Variants in GMDS observed in about 807,000 individuals in gnomAD.
The protein encoded by GMDS is GDP-mannose 4,6 dehydratase.
Under a neutral mutation model 49.9 loss-of-function variants are expected in GMDS, and 20 were observed. That is an observed-to-expected ratio of 0.40 (90% CI 0.28 to 0.58). GMDS has a LOEUF of 0.58. Among genes scored for constraint, GMDS ranks in the 20% least tolerant of loss-of-function variants. GMDS has a pLI of 0.42. For missense variants in GMDS, 362 were observed against 481.4 expected (o/e 0.75, Z 2.32); for synonymous variants, 177 against 178.6 (o/e 0.99, Z 0.07).
At chr6:1,650,657 C>A (rs1763622507) in intron 9 of GMDS, among the ~76,000 whole-genome samples, 1 of 152,198 alleles carries the variant, frequency 6.6e-6, no homozygotes, top group Non-Finnish European at 1.5e-5. Context: ...CTCACTGCAA[C>A]CTCCGCCTCC....
intron 7 of GMDS, among the ~76,000 whole-genome samples, chr6:1,921,139 C>T (rs1761696180): frequency 6.6e-6 from 1 of 152,202 alleles, no homozygotes; most frequent in South Asian, 2.1e-4. Context: ...CTATACCTAA[C>T]CCATTTTATA....
chr6:2,069,399 A>C (rs1186132392), intron 4 of GMDS, among the ~76,000 whole-genome samples: 2 of 152,138 alleles, frequency 1.3e-5, no homozygotes, highest in Non-Finnish European at 2.9e-5. Context: ...ATGGCAACAA[A>C]AGCCAAAATT....
At chr6:1,905,320 G>A (rs1289105869) in intron 7 of GMDS, among the ~76,000 whole-genome samples, 3 of 151,962 alleles carry the variant, frequency 2.0e-5, no homozygotes, top group African/African-American at 7.3e-5. Flanking sequence ...TGTGGGTGCT[G>A]GCGTGTAGGT....
intron 7 of GMDS, among the ~76,000 whole-genome samples, chr6:1,875,122 T>G (rs1416546685): frequency 2.0e-5 from 3 of 152,150 alleles, no homozygotes; most frequent in Non-Finnish European, 4.4e-5. Flanking sequence ...CTTGGGTATA[T>G]AAAATTCAAA....
chr6:2,088,126 G>C lies in GMDS; in HGVS notation c.345+27645C>G, dbSNP rs535461618. On this transcript the variant is annotated intron_variant, in intron 4 of 10. Coordinates refer to ENST00000380815, the MANE Select transcript of GMDS (RefSeq NM_001500.4). ...AGAAAGTAAAAAAAAAAAATGCTGT[G>C]ATATAGAGTACAGATTTTACAAACA... Among the ~76,000 whole-genome samples, 20 of 152,102 alleles carry C rather than the reference G, an allele frequency of 1.3e-4. 2 individuals are homozygous for C. The South Asian group carries it at 4.2e-3, about 32-fold the overall frequency.
Position 2,024,161 on chromosome 6 carries a change from G to A in GMDS, c.346-63195C>T, listed in dbSNP as rs745479939. ...AGAGATAATAGGATATTTTCATATT[G>A]CCAAGAGAAAATTACTGCCAGTTTA... On this transcript the variant is annotated intron_variant, in intron 4 of 10. Coordinates refer to ENST00000380815, the MANE Select transcript of GMDS (RefSeq NM_001500.4). 4.6e-5 allele frequency among the ~76,000 whole-genome samples: 7 copies of A among 152,124 alleles called. No homozygotes were observed. In the South Asian group the frequency reaches 6.2e-4, roughly 13 times the overall value.
chr6:2,240,238 A>C (rs1327867605), intron 1 of GMDS, among the ~76,000 whole-genome samples: 1 of 152,226 alleles, frequency 6.6e-6, no homozygotes, highest in African/African-American at 2.4e-5. Flanking sequence ...TCCCCATGCA[A>C]AGCAAGGCTA....
At chr6:2,232,372 T>C (rs1436788471) in intron 1 of GMDS, among the ~76,000 whole-genome samples, 4 of 152,214 alleles carry the variant, frequency 2.6e-5, no homozygotes, top group Non-Finnish European at 5.9e-5. Context: ...CAATTCCTGA[T>C]GCCCCTTTTG....
At position 1,860,660 on chromosome 6, in the gene GMDS, C is replaced by A. The variant is rs527568521; in HGVS notation, c.771+69443G>T. ...CTGCCTAAATGGCTGATATTCTCCA[C>A]CAATATATGTCTGGTGTCCAAAAAA... On this transcript the variant is annotated intron_variant, in intron 7 of 10. Coordinates refer to ENST00000380815, the MANE Select transcript of GMDS (RefSeq NM_001500.4). Among the ~76,000 whole-genome samples, 17 of 152,230 alleles carry A rather than the reference C, an allele frequency of 1.1e-4. No individual in the cohort carries two copies. The South Asian group carries it at 3.5e-3, about 32-fold the overall frequency.
chr6:1,652,715 TATATAG>T (rs1235171658), intron 9 of GMDS, among the ~76,000 whole-genome samples: 2 of 16,676 alleles, frequency 1.2e-4, no homozygotes, highest in African/African-American at 2.2e-4. Flanking sequence ...TATATATATA[TATATAG>T]AGAGAGAGAG....
intron 7 of GMDS, among the ~76,000 whole-genome samples, chr6:1,868,704 T>A (rs904021184): frequency 6.6e-6 from 1 of 151,800 alleles, no homozygotes; most frequent in African/African-American, 2.4e-5. Context: ...CGTCCCAGTA[T>A]AATGTGCTGC....
intron 4 of GMDS, among the ~76,000 whole-genome samples, chr6:2,074,886 A>G (rs1772233398): frequency 1.3e-5 from 2 of 152,058 alleles, no homozygotes; most frequent in Non-Finnish European, 2.9e-5. Context: ...CCCCAGAACC[A>G]TTTATTGAAG....
chr6:1,663,285 T>C (rs2113255799), intron 9 of GMDS, among the ~76,000 whole-genome samples: 1 of 152,280 alleles, frequency 6.6e-6, no homozygotes, highest in Non-Finnish European at 1.5e-5. Flanking sequence ...GTGCAGGTCG[T>C]TGGCTCAGAA....
At chr6:2,036,952 T>C (rs6909371) in intron 4 of GMDS, among the ~76,000 whole-genome samples, 108,248 of 152,106 alleles carry the variant, frequency 0.71, 38,738 homozygotes, top group African/African-American at 0.75. Flanking sequence ...CTAATTTCTA[T>C]TCCTGTTGTA....
chr6:1,753,919 C>T (rs1328997424), intron 7 of GMDS, among the ~76,000 whole-genome samples: 1 of 152,254 alleles, frequency 6.6e-6, no homozygotes, highest in Non-Finnish European at 1.5e-5. Flanking sequence ...TAAATGCCCA[C>T]AGGAGAATGC....
chr6:2,200,334 C>A (rs926021147), intron 1 of GMDS, among the ~76,000 whole-genome samples: 4 of 150,930 alleles, frequency 2.7e-5, no homozygotes, highest in African/African-American at 9.8e-5. Context: ...ACACCACATG[C>A]ACATCCGAGA....
chr6:2,238,659 A>G (rs1344225529), intron 1 of GMDS, among the ~76,000 whole-genome samples: 1 of 152,180 alleles, frequency 6.6e-6, no homozygotes, highest in African/African-American at 2.4e-5. Flanking sequence ...TTATAATATA[A>G]TCATCATTTG....
intron 1 of GMDS, among the ~76,000 whole-genome samples, chr6:2,223,298 G>A (rs1212121802): frequency 6.6e-6 from 1 of 152,058 alleles, no homozygotes; most frequent in Non-Finnish European, 1.5e-5. Flanking sequence ...ACAAGCCAGG[G>A]GGCATGTGGT....
At chr6:2,104,872 A>G (rs567923956) in intron 4 of GMDS, among the ~76,000 whole-genome samples, 1 of 152,196 alleles carries the variant, frequency 6.6e-6, no homozygotes, top group Non-Finnish European at 1.5e-5. Flanking sequence ...TATCTTGCCA[A>G]ATGATAGAGT....
Sources: allele counts gnomAD v4.1 joint callset (sites outside exome capture counted in the v4.1 genomes callset), GRCh38; gene constraint gnomAD v4.1.1; transcripts MANE v1.5; gene names NCBI Gene and HGNC (gene_info 2026-07-23, HGNC 2026-07-21).